Variants in PPP1R9A observed in about 807,000 individuals in gnomAD.
PPP1R9A encodes the protein neurabin-1.
PPP1R9A carries 59 observed loss-of-function variants against 141.9 expected under a neutral mutation model. The ratio of observed to expected loss-of-function variants is 0.42; its 90% CI spans 0.34 to 0.52. The LOEUF is 0.52. PPP1R9A is among the 20% of genes least tolerant of loss of function. The pLI is 0.10. For synonymous variants in PPP1R9A, 500 were observed against 569.7 expected (o/e 0.88, Z 1.74); for missense variants, 1,444 against 1,611.9 (o/e 0.90, Z 1.78).
At position 95,291,845 on chromosome 7, in the gene PPP1R9A, G is replaced by A. The variant is rs532364889; in HGVS notation, c.*1542G>A. 6.6e-6 allele frequency: 1 copy of A among 152,196 alleles called. No individual in the cohort carries two copies. Among genetic ancestry groups the A allele is most frequent in the East Asian group, 1.9e-4 (1 of 5,182 alleles). The allele number at this position is 152,196 out of a possible 1,614,324, so 9.4% of individuals were successfully genotyped here. A position where few individuals can be genotyped will look rare whatever the true frequency, so the allele number is the denominator to read the frequency against. ...CCACTAGAAGTATTCCATATTTAGA[G>A]CCTCGGCAAGGCTTTTGAGTGTAAC... is the stretch of plus-strand genomic sequence containing the variant. On this transcript the variant is annotated 3_prime_UTR_variant, in exon 20 of 20. Coordinates refer to ENST00000433360, the MANE Select transcript of PPP1R9A (RefSeq NM_001166160.2).
chr7:95,099,026 C>G (rs1157056020), intron 2 of PPP1R9A, among the ~76,000 whole-genome samples: 2 of 152,198 alleles, frequency 1.3e-5, no homozygotes, highest in East Asian at 3.9e-4. Flanking sequence ...CACACATACA[C>G]CTTGTATTGG....
At chr7:95,018,070 A>C (rs1419407057) in intron 2 of PPP1R9A, 1 of 155,408 alleles carries the variant, frequency 6.4e-6, no homozygotes, top group Non-Finnish European at 1.5e-5. Context: ...CTCTCCATAC[A>C]CAGGCAAAAA....
chr7:95,027,533 A>G (rs926994490), intron 2 of PPP1R9A, among the ~76,000 whole-genome samples: 4 of 152,212 alleles, frequency 2.6e-5, no homozygotes, highest in African/African-American at 7.2e-5. Context: ...CTATTCAGCT[A>G]TCTTGCCAGC....
chr7:95,173,377 A>G (rs1474066384), intron 5 of PPP1R9A, among the ~76,000 whole-genome samples: 1 of 151,902 alleles, frequency 6.6e-6, no homozygotes, highest in Admixed American at 6.6e-5. Flanking sequence ...AAACCCCACT[A>G]CTATGCAATA....
intron 2 of PPP1R9A, among the ~76,000 whole-genome samples, chr7:95,049,084 A>G (rs1391103088): frequency 2.0e-5 from 3 of 152,212 alleles, no homozygotes; most frequent in South Asian, 2.1e-4. Flanking sequence ...ACCCTGGGCT[A>G]TCATGCTTCT....
chr7:95,079,619 G>A (rs769309641), intron 2 of PPP1R9A, among the ~76,000 whole-genome samples: 3 of 151,720 alleles, frequency 2.0e-5, no homozygotes, highest in South Asian at 2.1e-4. Context: ...TACCAAAGCC[G>A]GGCAGAGACA....
chr7:95,163,735 G>GT (rs1830767554), intron 5 of PPP1R9A, among the ~76,000 whole-genome samples: 1 of 151,614 alleles, frequency 6.6e-6, no homozygotes, highest in African/African-American at 2.4e-5. Context: ...GTTTTGTTTT[G>GT]TTTTTTGTAG....
intron 2 of PPP1R9A, among the ~76,000 whole-genome samples, chr7:94,938,817 G>T (rs551053133): frequency 2.0e-5 from 3 of 152,064 alleles, no homozygotes; most frequent in Non-Finnish European, 4.4e-5. Flanking sequence ...TTCCTTTTTG[G>T]GGGGTAGAAA....
At chr7:95,143,279 C>G (rs1827022984) in intron 4 of PPP1R9A, among the ~76,000 whole-genome samples, 2 of 152,234 alleles carry the variant, frequency 1.3e-5, no homozygotes, top group African/African-American at 2.4e-5. Flanking sequence ...GGTATCATCT[C>G]TTGTTTTTGG....
rs1168476658 is a variant in PPP1R9A at position 95,292,743 on chromosome 7, G to A, written c.*2440G>A. 6.6e-6 allele frequency: 1 copy of A among 152,062 alleles called. No homozygotes were observed. Among genetic ancestry groups the A allele is most frequent in the Non-Finnish European group, 1.5e-5 (1 of 67,980 alleles). 9.4% of individuals were successfully genotyped at this position (152,062 alleles called of 1,614,324 possible). On this transcript the variant is annotated 3_prime_UTR_variant, in exon 20 of 20. Coordinates refer to ENST00000433360, the MANE Select transcript of PPP1R9A (RefSeq NM_001166160.2). ...TTATTTTAACATTACCACTTAAAAC[G>A]GATGAAATTGTAAAAGTCATTTGGT...
chr7:95,123,573 T>TGG (rs1235926106), intron 4 of PPP1R9A, among the ~76,000 whole-genome samples: 2 of 152,116 alleles, frequency 1.3e-5, no homozygotes, highest in Non-Finnish European at 2.9e-5. Flanking sequence ...CGCTTGAACC[T>TGG]GGGAGGTAGA....
intron 2 of PPP1R9A, among the ~76,000 whole-genome samples, chr7:95,007,610 G>A (rs572880632): frequency 1.3e-5 from 2 of 152,182 alleles, no homozygotes; most frequent in Admixed American, 6.5e-5. Context: ...GTATTGAAAT[G>A]GTAATTTTTA....
intron 7 of PPP1R9A, among the ~76,000 whole-genome samples, chr7:95,210,827 A>G (rs914865120): frequency 1.3e-5 from 2 of 152,200 alleles, no homozygotes; most frequent in African/African-American, 2.4e-5. Flanking sequence ...ATAAAAAAGG[A>G]TGAGTTAATG....
At chr7:95,177,234 A>G (rs545222314) in intron 5 of PPP1R9A, among the ~76,000 whole-genome samples, 32 of 152,252 alleles carry the variant, frequency 2.1e-4, no homozygotes, top group Non-Finnish European at 3.2e-4. Flanking sequence ...AAACAAAACA[A>G]TGATCACCCA....
rs559256453 is a variant in PPP1R9A at position 95,037,689 on chromosome 7, CTGTGTGTGTGCGTGCGCGCG to C, written c.1396-73554_1396-73535del. Among the ~76,000 whole-genome samples, 36 of 150,430 alleles carry C rather than the reference CTGTGTGTGTGCGTGCGCGCG, an allele frequency of 2.4e-4. No individual in the cohort carries two copies. In the South Asian group the frequency reaches 7.6e-3, roughly 32 times the overall value. On this transcript the variant is annotated intron_variant, in intron 2 of 19. Coordinates refer to ENST00000433360, the MANE Select transcript of PPP1R9A (RefSeq NM_001166160.2). ...TTGAGAATACAAATCTGAAAGAATG[CTGTGTGTGTGCGTGCGCGCG>C]TGTGTGTGTGCGTGCACACACGTGC... is the stretch of plus-strand genomic sequence containing the variant.
intron 2 of PPP1R9A, among the ~76,000 whole-genome samples, chr7:95,029,695 T>C (rs1807388296): frequency 6.6e-6 from 1 of 152,228 alleles, no homozygotes; most frequent in Non-Finnish European, 1.5e-5. Context: ...AATTTTTAAA[T>C]GGGAATTTTA....
rs33928009 is a variant in PPP1R9A at position 95,137,415 on chromosome 7, C to CAAAAAAAAAAA, written c.1649+16596_1649+16606dup. 3.7e-4 allele frequency among the ~76,000 whole-genome samples: 34 copies of CAAAAAAAAAAA among 91,488 alleles called. 1 individual carries two copies. The highest frequency in any genetic ancestry group is 1.4e-3 in the African/African-American group (33 of 23,058). 60.0% of individuals were successfully genotyped at this position (91,488 alleles called of 152,430 possible). A position where few individuals can be genotyped will look rare whatever the true frequency, so the allele number is the denominator to read the frequency against. On this transcript the variant is annotated intron_variant, in intron 4 of 19. Coordinates refer to ENST00000433360, the MANE Select transcript of PPP1R9A (RefSeq NM_001166160.2). ...CATGTCCCTACAAAGGACATGAACT[C>CAAAAAAAAAAA]AAAAAAAAAAAAAAAAAAAAAAAGA... is the stretch of plus-strand genomic sequence containing the variant.
intron 2 of PPP1R9A, among the ~76,000 whole-genome samples, chr7:94,930,428 C>T (rs572478338): frequency 2.0e-5 from 3 of 152,276 alleles, no homozygotes; most frequent in African/African-American, 7.2e-5. Flanking sequence ...ACCTCTGCCT[C>T]CCAGGTTCAA....
At chr7:95,154,584 A>G (rs936507423) in intron 4 of PPP1R9A, 1 of 152,132 alleles carries the variant, frequency 6.6e-6, no homozygotes, top group Non-Finnish European at 1.5e-5. Context: ...CTATAGATTC[A>G]TGAACTTCTT....
Sources: allele counts gnomAD v4.1 joint callset (sites outside exome capture counted in the v4.1 genomes callset), GRCh38; gene constraint gnomAD v4.1.1; transcripts MANE v1.5; gene names NCBI Gene and HGNC (gene_info 2026-07-23, HGNC 2026-07-21).